GRIP1: variants seen among roughly 807,000 people sequenced by gnomAD.
GRIP1 encodes glutamate receptor-interacting protein 1.
A neutral mutation model predicts 129.9 loss-of-function variants in GRIP1; 45 were observed. The ratio of observed to expected loss-of-function variants is 0.35; its 90% confidence interval spans 0.27 to 0.44. The LOEUF is 0.44. GRIP1 is among the 20% of genes least tolerant of loss of function. The pLI is 1.00. For missense variants in GRIP1, 1,196 were observed against 1,396.8 expected (o/e 0.86, Z 2.29); for synonymous variants, 530 against 520.8 (o/e 1.02, Z -0.24).
chr12:66,604,553 T>G (rs1048089096), intron 1 of GRIP1, among the ~76,000 whole-genome samples: 2 of 152,208 alleles, frequency 1.3e-5, no homozygotes, highest in African/African-American at 4.8e-5. Flanking sequence ...AATCTTAAAT[T>G]CAGTATATCT....
At chr12:66,546,403 T>A (rs1277716027) in intron 2 of GRIP1, among the ~76,000 whole-genome samples, 1 of 151,852 alleles carries the variant, frequency 6.6e-6, no homozygotes, top group Non-Finnish European at 1.5e-5. Flanking sequence ...GGCAGTAGGA[T>A]CACTTGAGCC....
chr12:66,477,334 C>T (rs2059648722), intron 7 of GRIP1, among the ~76,000 whole-genome samples: 1 of 151,822 alleles, frequency 6.6e-6, no homozygotes, highest in Non-Finnish European at 1.5e-5. Context: ...ATATGAAGGA[C>T]CTCTTCAAGG....
intron 1 of GRIP1, among the ~76,000 whole-genome samples, chr12:66,693,551 C>T (rs779537240): frequency 5.3e-5 from 8 of 152,100 alleles, no homozygotes; most frequent in Admixed American, 3.3e-4. Flanking sequence ...TTAGGCCTTC[C>T]GGGGTGATAT....
chr12:66,801,306 A>T (rs189347946), intron 1 of GRIP1, among the ~76,000 whole-genome samples: 1 of 152,134 alleles, frequency 6.6e-6, no homozygotes, highest in African/African-American at 2.4e-5. Flanking sequence ...TTTTTAAAAA[A>T]ATCAAACATG....
intron 1 of GRIP1, among the ~76,000 whole-genome samples, chr12:66,735,307 G>A (rs75253114): frequency 0.016 from 2,401 of 152,248 alleles, 45 homozygotes; most frequent in Non-Finnish European, 0.02. Context: ...TGCTTATAAT[G>A]TCGAAGTAAA....
Position 66,491,503 on chromosome 12 carries a change from T to C in GRIP1, c.724+24116A>G, listed in dbSNP as rs11176228. On this transcript the variant is annotated intron_variant, in intron 7 of 24. Coordinates refer to ENST00000359742, the MANE Select transcript of GRIP1 (RefSeq NM_001366722.1). ...GGGAAAGGGAGAGCATCAGAAAGAA[T>C]AGCTTATAGATGCTGGGCTTAATAC... 0.01 allele frequency among the ~76,000 whole-genome samples: 1,523 copies of C among 152,152 alleles called. 52 individuals are homozygous for C. In the East Asian group the frequency reaches 0.12, roughly 12 times the overall value.
chr12:66,377,226 G>C lies in GRIP1; in HGVS notation c.2681C>G (p.Ala894Gly), dbSNP rs1362164059. Reference protein sequence around the residue: ...TEQEENFWSQALEDLETCGQS... With the variant: ...TEQEENFWSQGLEDLETCGQS... The stretch of plus-strand genomic sequence containing the variant: ...TCCGCAGGTTTCCAAATCCTCCAGC[G>C]CTTGAGACCAGAAGTTCTCCTCTTG... Residue 894 changes from alanine to glycine, a missense_variant, in exon 21 of 25, where the codon GCG (alanine) becomes GGG (glycine). Coordinates refer to ENST00000359742, the MANE Select transcript of GRIP1 (RefSeq NM_001366722.1). The C allele has an allele frequency of 6.2e-7, 1 of 1,613,946 alleles. No individual in the cohort carries two copies. Among genetic ancestry groups the C allele is most frequent in the Non-Finnish European group, 8.5e-7 (1 of 1,179,832 alleles).
intron 1 of GRIP1, among the ~76,000 whole-genome samples, chr12:66,834,979 C>T (rs1310310850): frequency 6.7e-6 from 1 of 149,320 alleles, no homozygotes; most frequent in Admixed American, 6.7e-5. Context: ...TGATAAGCTA[C>T]ACTTTATTAA....
intron 1 of GRIP1, among the ~76,000 whole-genome samples, chr12:66,707,503 T>TAAAAAAAAAAAAAAAAAAAAA (rs58564255): frequency 1.6e-5 from 1 of 64,040 alleles, no homozygotes; most frequent in Non-Finnish European, 3.0e-5. Flanking sequence ...AATCACTGAC[T>TAAAAAAAAAAAAAAAAAAAAA]AAAAAAAAAA....
At chr12:67,041,391 T>C (rs1332903766) in intron 1 of GRIP1, among the ~76,000 whole-genome samples, 1 of 152,076 alleles carries the variant, frequency 6.6e-6, no homozygotes, top group East Asian at 1.9e-4. Flanking sequence ...TACACATATA[T>C]ATGGAGAGAG....
At chr12:66,698,062 CA>C (rs2035225061) in intron 1 of GRIP1, among the ~76,000 whole-genome samples, 1 of 151,984 alleles carries the variant, frequency 6.6e-6, no homozygotes, top group South Asian at 2.1e-4. Flanking sequence ...TTGTAGAAAG[CA>C]ATATGCTTTC....
At chr12:66,397,903 T>G (rs2056854015) in intron 16 of GRIP1, among the ~76,000 whole-genome samples, 1 of 152,202 alleles carries the variant, frequency 6.6e-6, no homozygotes, top group African/African-American at 2.4e-5. Flanking sequence ...GAAAATAATA[T>G]CAATTCCCTT....
intron 7 of GRIP1, among the ~76,000 whole-genome samples, chr12:66,507,176 C>T (rs78939965): frequency 1.3e-5 from 2 of 152,314 alleles, no homozygotes; most frequent in African/African-American, 2.4e-5. Flanking sequence ...TGGTGGCTCA[C>T]GCCTGTAATC....
intron 1 of GRIP1, among the ~76,000 whole-genome samples, chr12:67,040,613 T>A (rs564060223): frequency 6.6e-6 from 1 of 152,304 alleles, no homozygotes; most frequent in East Asian, 1.9e-4. Flanking sequence ...CCACACTTCC[T>A]TCCTGTGTGA....
At chr12:66,491,966 T>C (rs910225398) in intron 7 of GRIP1, among the ~76,000 whole-genome samples, 7 of 152,182 alleles carry the variant, frequency 4.6e-5, no homozygotes, top group Non-Finnish European at 1.0e-4. Context: ...AAAAATGGAA[T>C]GAATCTCCAT....
intron 1 of GRIP1, among the ~76,000 whole-genome samples, chr12:66,668,353 T>C (rs2033904989): frequency 6.6e-6 from 1 of 152,210 alleles, no homozygotes; most frequent in African/African-American, 2.4e-5. Context: ...CCTAGCTTTA[T>C]AGATTAGAAA....
chr12:66,495,229 T>C (rs2060203340), intron 7 of GRIP1, among the ~76,000 whole-genome samples: 2 of 152,200 alleles, frequency 1.3e-5, no homozygotes, highest in Admixed American at 1.3e-4. Flanking sequence ...TACCTATTCA[T>C]ATGTCCCCAG....
intron 1 of GRIP1, among the ~76,000 whole-genome samples, chr12:66,731,667 A>G (rs1322141485): frequency 6.6e-6 from 1 of 152,232 alleles, no homozygotes; most frequent in Non-Finnish European, 1.5e-5. Context: ...ATTAGGTCAT[A>G]ATAAAGAAAT....
intron 1 of GRIP1, among the ~76,000 whole-genome samples, chr12:66,921,677 G>T (rs1448101148): frequency 5.9e-5 from 9 of 152,170 alleles, no homozygotes; most frequent in Admixed American, 5.9e-4. Context: ...CAAAGAGCTA[G>T]GACTGAACAC....
Sources: gnomAD v4.1 joint callset for allele counts (sites outside exome capture counted in the v4.1 genomes callset) on GRCh38, gnomAD v4.1.1 for gene constraint, MANE v1.5 for transcripts, NCBI Gene and HGNC (gene_info 2026-07-23, HGNC 2026-07-21) for gene names.